The following SEMA6C variants were observed in gnomAD, a reference collection of about 807,000 sequenced individuals.
SEMA6C encodes semaphorin 6C, also known as semaphorin-6C.
A neutral mutation model predicts 72.9 loss-of-function variants in SEMA6C; 37 were observed. The observed-to-expected ratio is 0.51, with a 90% CI of 0.39 to 0.67. The LOEUF is 0.67. Among genes scored for constraint, SEMA6C ranks in the 30% least tolerant of loss-of-function variants. SEMA6C has a pLI of 0.00. For synonymous variants in SEMA6C, 578 were observed against 554.1 expected (o/e 1.04, Z -0.61); for missense variants, 1,189 against 1,263.6 (o/e 0.94, Z 0.89).
Position 151,139,382 on chromosome 1 carries a change from A to G in SEMA6C, c.354+43T>C, listed in dbSNP as rs372206750. 5 of 1,544,198 alleles carry G rather than the reference A, an allele frequency of 3.2e-6. No homozygotes were observed. In the East Asian group the frequency reaches 6.7e-5, roughly 21 times the overall value. On this transcript the variant is annotated intron_variant, in intron 6 of 18. Transcript: ENST00000368914. ...CCAGTTGGACAGAGACTGGGGGCAGAGTAATCCTCTCCTTCCCTCCACATT... is the reference window on the plus strand; with the variant it reads ...CCAGTTGGACAGAGACTGGGGGCAGGGTAATCCTCTCCTTCCCTCCACATT...
chr1:151,135,871 C>G (rs1027550212), intron 13 of SEMA6C, 107 bp from the exon 14 acceptor site: 1 of 1,511,382 alleles, frequency 6.6e-7, no homozygotes, highest in African/African-American at 1.4e-5. Flanking sequence ...CCCCCAGGCC[C>G]CAGGGTTGCC....
chr1:151,134,524 G>C, intron 17 of SEMA6C, 79 bp from the exon 18 acceptor site: 1 of 1,604,626 alleles, frequency 6.2e-7, no homozygotes, highest in South Asian at 1.1e-5. Context: ...TGCCACAGAA[G>C]GAGAGAAGGA....
intron 3 of SEMA6C, among the ~76,000 whole-genome samples, chr1:151,141,313 C>T (rs587601237): frequency 6.6e-6 from 1 of 152,290 alleles, no homozygotes; most frequent in East Asian, 1.9e-4. Flanking sequence ...TAACAGGAAA[C>T]ACATATAAAG....
chr1:151,135,733 T>C lies in SEMA6C; in HGVS notation c.1291A>G (p.Met431Val). 1 of 1,614,144 alleles carries C rather than the reference T, an allele frequency of 6.2e-7. No individual in the cohort carries two copies. Among genetic ancestry groups the C allele is most frequent in the African/African-American group, 1.3e-5 (1 of 75,030 alleles). Residue 431 changes from methionine (M) to valine (V), a missense_variant, in exon 14 of 19, where the codon ATG becomes GTG. Around this residue, in one of 2 missense-constraint regions of SEMA6C, gnomAD observed 468 missense variants for 577.4 expected, o/e 0.81. Coordinates refer to ENST00000368914, the MANE Select transcript of SEMA6C (RefSeq NM_030913.6). Reference protein sequence around the residue: ...ALLTQVAVDGMAGPHSNITVM... With the variant: ...ALLTQVAVDGVAGPHSNITVM... Reference sequence around the variant, plus strand: ...GTGATGTTACTGTGGGGACCAGCCATGCCATCCACAGCTACTTGGGTCAGT... The same window carrying C: ...GTGATGTTACTGTGGGGACCAGCCACGCCATCCACAGCTACTTGGGTCAGT...
chr1:151,132,516 C>T lies in SEMA6C; in HGVS notation c.2761G>A (p.Ala921Thr), dbSNP rs868451220. The T allele has an allele frequency of 6.5e-7, 1 of 1,550,060 alleles. No homozygotes were observed. Among genetic ancestry groups the T allele is most frequent in the Non-Finnish European group, 8.7e-7 (1 of 1,146,646 alleles). Residue 921 changes from alanine (A) to threonine (T), a missense_variant, in exon 19 of 19, where the codon GCC becomes ACC. Physicochemically the swap from Ala to Thr is moderately conservative, Grantham distance 58. Around this residue, in one of 2 missense-constraint regions of SEMA6C, gnomAD observed 721 missense variants for 686.2 expected, o/e 1.05. Transcript: ENST00000368914. ...PPLVGPSSRQ[A>T]VPNGGRFNF ...TTGAAACGGCCGCCGTTCGGGACGG[C>T]CTGGCGGGAGGAGGGCCCGACGAGG...
At position 151,137,037 on chromosome 1, in the gene SEMA6C, T is replaced by A; in HGVS notation, c.794A>T (p.Asp265Val). The A allele has an allele frequency of 6.2e-7, 1 of 1,613,896 alleles. No homozygotes were observed. Among genetic ancestry groups the A allele is most frequent in the East Asian group, 2.2e-5 (1 of 44,876 alleles). ...CAAGGCCCGAGGCGAGCCGCCCATG[T>A]CACGTTTACATACTCGGGCTACGCG... Reference protein sequence around the residue: ...FSRVARVCKRDMGGSPRALDR... With the variant: ...FSRVARVCKRVMGGSPRALDR... Residue 265 changes from aspartate (D) to valine (V), a missense_variant, in exon 11 of 19, where the codon GAC becomes GTC. Asp to Val is a radical substitution (Grantham distance 152, BLOSUM62 -3). Coordinates refer to ENST00000368914, the MANE Select transcript of SEMA6C (RefSeq NM_030913.6).
Position 151,136,005 on chromosome 1 carries a change from C to A in SEMA6C, c.1259+6G>T, listed in dbSNP as rs1462882403. 9.3e-6 allele frequency: 15 copies of A among 1,613,942 alleles called. No homozygotes were observed. The highest frequency in any genetic ancestry group is 1.2e-5 in the Non-Finnish European group (14 of 1,179,980). Reference sequence around the variant, plus strand: ...AGGCAGTGGTCAGTGTTTTTCAGCCCCATACCTGCTAGTGAGAGTGAGTAG... The same window carrying A: ...AGGCAGTGGTCAGTGTTTTTCAGCCACATACCTGCTAGTGAGAGTGAGTAG... On this transcript the variant is annotated splice_donor_region_variant and intron_variant, in intron 13 of 18. Transcript: ENST00000368914.
intron 3 of SEMA6C, among the ~76,000 whole-genome samples, chr1:151,140,653 T>C (rs1480763034): frequency 6.6e-6 from 1 of 152,178 alleles, no homozygotes; most frequent in Non-Finnish European, 1.5e-5. Context: ...ACCACAGTCA[T>C]CAGTGGTCAA....
intron 16 of SEMA6C, 24 bp downstream of exon 16, chr1:151,134,774 G>A: frequency 6.2e-7 from 1 of 1,613,368 alleles, no homozygotes; most frequent in Non-Finnish European, 8.5e-7. Flanking sequence ...TTATGCTCAG[G>A]AAACCCAAGG....
chr1:151,139,460 C>G lies in SEMA6C; in HGVS notation c.319G>C (p.Asp107His). The G allele has an allele frequency of 6.2e-7, 1 of 1,614,186 alleles. No homozygotes were observed. The highest frequency in any genetic ancestry group is 8.5e-7 in the Non-Finnish European group (1 of 1,179,998). The change falls in exon 6 of 19, where the codon GAT (aspartate) becomes CAT (histidine). Residue 107 changes from aspartate (D) to histidine (H), a missense_variant. By Grantham distance (81) the Asp-to-His change is moderately conservative. Coordinates refer to ENST00000368914, the MANE Select transcript of SEMA6C (RefSeq NM_030913.6). The part of the protein sequence containing the change: ...PNKYLTWRSQ[D>H]VENCAVRGKL... ...CCCCGTACAGCACAGTTCTCCACAT[C>G]TTGGCTTCTCCATGTTAGATACTGA...
chr1:151,132,462 T>C lies in SEMA6C; in HGVS notation c.*22A>G, dbSNP rs1681615031. The C allele has an allele frequency of 1.9e-6, 3 of 1,541,050 alleles. No homozygotes were observed. The highest frequency in any genetic ancestry group is 2.6e-6 in the Non-Finnish European group (3 of 1,141,532). ...GAGAGGACTCGGGCGCTCCCCACGC[T>C]GGAGGCCGTGGGCCGCTCCCTTTAA... On this transcript the variant is annotated 3_prime_UTR_variant, in exon 19 of 19. Transcript: ENST00000368914.
In SEMA6C at chr1:151,142,629, G is replaced by A. The variant is rs199589723; in HGVS notation, c.-8C>T. 6.5e-6 allele frequency: 10 copies of A among 1,549,784 alleles called. No homozygotes were observed. The highest frequency in any genetic ancestry group is 2.3e-5 in the East Asian group (1 of 42,970). Reference sequence around the variant, plus strand: ...GTGGGGGGCACGGGGCATCCTGTGCGGGGCAGCTCAGGCCCCAGGGGGTGC... The same window carrying A: ...GTGGGGGGCACGGGGCATCCTGTGCAGGGCAGCTCAGGCCCCAGGGGGTGC... On this transcript the variant is annotated 5_prime_UTR_variant, in exon 3 of 19. Coordinates refer to ENST00000368914, the MANE Select transcript of SEMA6C (RefSeq NM_030913.6).
At chr1:151,139,743 AC>A (rs760979531) in intron 4 of SEMA6C, 42 bp from the exon 5 acceptor site, 25 of 1,528,118 alleles carry the variant, frequency 1.6e-5, no homozygotes, top group Admixed American at 7.6e-5. Flanking sequence ...TAGTCAAGGC[AC>A]CCCACTTTAC....
chr1:151,142,653 G>C lies in SEMA6C; in HGVS notation c.-32C>G. On this transcript the variant is annotated 5_prime_UTR_variant, in exon 3 of 19. Transcript: ENST00000368914. ...CGGGGCAGCTCAGGCCCCAGGGGGT[G>C]CCCCCTCACCCATAAGCCGGCCCTG... 1 of 1,490,838 alleles carries C rather than the reference G, an allele frequency of 6.7e-7. No individual in the cohort carries two copies. Among genetic ancestry groups the C allele is most frequent in the Non-Finnish European group, 8.9e-7 (1 of 1,123,206 alleles). 92.4% of individuals were successfully genotyped at this position (1,490,838 alleles called of 1,614,324 possible). A position where few individuals can be genotyped will look rare whatever the true frequency, so the allele number is the denominator to read the frequency against.
At chr1:151,142,453 C>T (rs1682630677) in intron 3 of SEMA6C, 51 bp downstream of exon 3, 1 of 1,609,060 alleles carries the variant, frequency 6.2e-7, no homozygotes, top group African/African-American at 1.3e-5. Context: ...CAGGGGGTCT[C>T]AGTCTCTAAT....
Position 151,139,987 on chromosome 1 carries a change from T to C in SEMA6C, c.222A>G (p.Leu74=), listed in dbSNP as rs1682395424. 1 of 1,614,074 alleles carries C rather than the reference T, an allele frequency of 6.2e-7. No homozygotes were observed. Among genetic ancestry groups the C allele is most frequent in the African/African-American group, 1.3e-5 (1 of 75,052 alleles). Residue 74 remains leucine, a synonymous_variant, in exon 4 of 19, where the codon CTA becomes CTG. Coordinates refer to ENST00000368914, the MANE Select transcript of SEMA6C (RefSeq NM_030913.6). ...QRFLTLNRTL[L]VAARDHVFSF... The stretch of plus-strand genomic sequence containing the variant: ...CACGGCCAGTTTACCGGGCAGCCAC[T>C]AGCAAGGTCCGGTTCAAGGTCAGGA...
intron 14 of SEMA6C, 31 bp from the exon 15 acceptor site, chr1:151,135,340 G>T (rs1429939844): frequency 6.3e-7 from 1 of 1,598,120 alleles, no homozygotes; most frequent in East Asian, 2.2e-5. Flanking sequence ...ACCAGAGATG[G>T]ACAGATGAGG....
At position 151,135,107 on chromosome 1, in the gene SEMA6C, C is replaced by T. The variant is rs1558180462; in HGVS notation, c.1580+56G>A. ...CACCCCAAAGACCTGTGTTTCTGTGCTCTTGCTGGCCCGGGGAGCTTGCCC... is the reference window on the plus strand; with the variant it reads ...CACCCCAAAGACCTGTGTTTCTGTGTTCTTGCTGGCCCGGGGAGCTTGCCC... On this transcript the variant is annotated intron_variant, in intron 15 of 18. Transcript: ENST00000368914. The T allele has an allele frequency of 4.4e-6, 7 of 1,595,240 alleles. No homozygotes were observed. In the South Asian group the frequency reaches 8.0e-5, roughly 18 times the overall value.
rs1221547178 is a variant in SEMA6C, at chr1:151,132,159, C to G, written c.*325G>C. On this transcript the variant is annotated 3_prime_UTR_variant, in exon 19 of 19. Transcript: ENST00000368914. ...CTCTGGACACAGCGCGCGCGGCCCG[C>G]CCGGGGCACAGTCTCTGGGGGAGCC... 8.0e-6 allele frequency: 11 copies of G among 1,380,866 alleles called. No individual in the cohort carries two copies. The highest frequency in any genetic ancestry group is 2.3e-5 in the Admixed American group (1 of 43,468). 85.5% of individuals were successfully genotyped at this position (1,380,866 alleles called of 1,614,324 possible). A position where few individuals can be genotyped will look rare whatever the true frequency, so the allele number is the denominator to read the frequency against.
Sources: allele counts gnomAD v4.1 joint callset (sites outside exome capture counted in the v4.1 genomes callset), GRCh38; gene constraint gnomAD v4.1.1; regional missense constraint gnomAD v4.1.1; transcripts MANE v1.5; gene names NCBI Gene and HGNC (gene_info 2026-07-23, HGNC 2026-07-21).